Variants in NFIB observed in about 807,000 individuals in gnomAD.
NFIB encodes the protein nuclear factor I B, also known as nuclear factor 1 B-type.
NFIB carries 11 observed loss-of-function variants against 61.5 expected under a neutral mutation model. The ratio of observed to expected loss-of-function variants is 0.18; its 90% CI spans 0.11 to 0.30. The LOEUF is 0.30. NFIB is among the 10% of genes least tolerant of loss of function. The pLI, the probability that NFIB is intolerant of heterozygous loss-of-function variation, is 1.00. For missense variants in NFIB, 471 were observed against 608.9 expected (o/e 0.77, Z 2.38); for synonymous variants, 260 against 216.5 (o/e 1.20, Z -1.76).
At chr9:14,247,467 A>C (rs1022214793) in intron 2 of NFIB, among the ~76,000 whole-genome samples, 1 of 152,108 alleles carries the variant, frequency 6.6e-6, no homozygotes, top group African/African-American at 2.4e-5. Flanking sequence ...GGACTACTCC[A>C]TTTCTCACAG....
At chr9:14,225,636 T>G (rs2052298421) in intron 2 of NFIB, among the ~76,000 whole-genome samples, 1 of 152,052 alleles carries the variant, frequency 6.6e-6, no homozygotes, top group Admixed American at 6.5e-5. Flanking sequence ...AAAATCATCA[T>G]TGCTTATAAT....
chr9:14,421,577 A>G, the NFIB span, among the ~76,000 whole-genome samples: 1 of 152,230 alleles, frequency 6.6e-6, no homozygotes, highest in African/African-American at 2.4e-5. Flanking sequence ...TGGGTTTTCA[A>G]TGTCAGTTAT....
At chr9:14,444,350 G>A in the NFIB span, among the ~76,000 whole-genome samples, 1 of 152,176 alleles carries the variant, frequency 6.6e-6, no homozygotes, top group East Asian at 1.9e-4. Flanking sequence ...ACCAGATATA[G>A]AGTTTTAGGT....
chr9:14,141,346 C>T (rs2131049325), intron 6 of NFIB, among the ~76,000 whole-genome samples: 1 of 152,176 alleles, frequency 6.6e-6, no homozygotes, highest in African/African-American at 2.4e-5. Context: ...CTTGAGAGTC[C>T]AGTTTAATTT....
intron 7 of NFIB, among the ~76,000 whole-genome samples, chr9:14,124,301 T>A (rs957336908): frequency 6.6e-6 from 1 of 152,198 alleles, no homozygotes; most frequent in Non-Finnish European, 1.5e-5. Flanking sequence ...ATATTCAACA[T>A]TACAAACCTA....
At chr9:14,206,957 T>C (rs569013147) in intron 2 of NFIB, among the ~76,000 whole-genome samples, 2 of 152,296 alleles carry the variant, frequency 1.3e-5, no homozygotes, top group African/African-American at 2.4e-5. Flanking sequence ...ATTCCATACA[T>C]TGTATGTGCT....
intron 10 of NFIB, among the ~76,000 whole-genome samples, chr9:14,112,164 C>T (rs1376511192): frequency 1.3e-5 from 2 of 152,192 alleles, no homozygotes; most frequent in South Asian, 2.1e-4. Context: ...CTGTTAATTT[C>T]AAACTGCTCT....
At chr9:14,504,493 T>C in the NFIB span, among the ~76,000 whole-genome samples, 1 of 152,228 alleles carries the variant, frequency 6.6e-6, no homozygotes, top group Non-Finnish European at 1.5e-5. Context: ...TTGTGTCATC[T>C]ATGATTTCTT....
chr9:14,415,878 T>C, the NFIB span, among the ~76,000 whole-genome samples: 1 of 152,070 alleles, frequency 6.6e-6, no homozygotes, highest in Non-Finnish European at 1.5e-5. Flanking sequence ...TTTGAAGCCT[T>C]ACAGATGGAA....
chr9:14,340,938 C>T (rs200294917), intron 1 of NFIB, among the ~76,000 whole-genome samples: 5 of 150,928 alleles, frequency 3.3e-5, no homozygotes, highest in East Asian at 1.9e-4. Context: ...AGCGGGTGGG[C>T]GGTGGCGGTA....
At chr9:14,305,289 A>T (rs2059959468) in intron 2 of NFIB, among the ~76,000 whole-genome samples, 1 of 152,194 alleles carries the variant, frequency 6.6e-6, no homozygotes, top group African/African-American at 2.4e-5. Context: ...AGCAGTAGTG[A>T]AGTGGTTGCA....
the NFIB span, among the ~76,000 whole-genome samples, chr9:14,454,295 T>C: frequency 6.6e-6 from 1 of 152,218 alleles, no homozygotes; most frequent in East Asian, 1.9e-4. Context: ...TGTGGAACAG[T>C]GAGCCTCTGA....
At chr9:14,248,595 C>T (rs796953620) in intron 2 of NFIB, among the ~76,000 whole-genome samples, 17 of 152,162 alleles carry the variant, frequency 1.1e-4, no homozygotes, top group African/African-American at 3.9e-4. Flanking sequence ...TTAGTAATAA[C>T]AATAATTTTC....
intron 9 of NFIB, among the ~76,000 whole-genome samples, chr9:14,114,326 C>A (rs1244149663): frequency 6.6e-6 from 1 of 152,122 alleles, no homozygotes; most frequent in African/African-American, 2.4e-5. Context: ...CACAGACAGC[C>A]GGAGATGAGC....
chr9:14,486,201 G>C, the NFIB span, among the ~76,000 whole-genome samples: 7 of 152,258 alleles, frequency 4.6e-5, no homozygotes, highest in Admixed American at 4.6e-4. Context: ...ATTGAAAGAA[G>C]GCTTGGAGAT....
At chr9:14,391,221 A>C (rs2061615855) in intron 1 of NFIB, among the ~76,000 whole-genome samples, 2 of 152,142 alleles carry the variant, frequency 1.3e-5, no homozygotes, top group African/African-American at 4.8e-5. Flanking sequence ...CAATATTATC[A>C]GTGATAAATC....
chr9:14,446,448 A>T, the NFIB span, among the ~76,000 whole-genome samples: 31 of 152,002 alleles, frequency 2.0e-4, no homozygotes, highest in Non-Finnish European at 3.2e-4. Context: ...TTGTTATCTT[A>T]TGCTTCTTTC....
intron 1 of NFIB, among the ~76,000 whole-genome samples, chr9:14,380,864 T>C (rs565914596): frequency 1.4e-4 from 21 of 152,044 alleles, no homozygotes; most frequent in African/African-American, 4.1e-4. Flanking sequence ...GAACTAAAGG[T>C]GGTAGAAGCT....
intron 10 of NFIB, among the ~76,000 whole-genome samples, chr9:14,098,773 T>C (rs1024459697): frequency 2.0e-5 from 3 of 152,196 alleles, no homozygotes; most frequent in Non-Finnish European, 4.4e-5. Flanking sequence ...AAATTGACTC[T>C]CTCAAGGTGC....
Sources: gnomAD v4.1 joint callset for allele counts (sites outside exome capture counted in the v4.1 genomes callset) on GRCh38, gnomAD v4.1.1 for gene constraint, MANE v1.5 for transcripts, NCBI Gene and HGNC (gene_info 2026-07-23, HGNC 2026-07-21) for gene names.